The following DCTN1 variants were observed in gnomAD, a reference collection of about 807,000 sequenced individuals.
DCTN1 encodes the protein dynactin subunit 1, also known as 150 kDa dynein-associated polypeptide.
In DCTN1, 61 loss-of-function variants were observed where a neutral mutation model predicts 161.2. That is an observed-to-expected ratio of 0.38 (90% CI 0.31 to 0.47). DCTN1 has a LOEUF of 0.47. Ranked by LOEUF, DCTN1 falls within the 20% of genes least tolerant of loss-of-function variation. DCTN1 has a pLI of 0.99. For synonymous variants in DCTN1, 653 were observed against 632.4 expected, an observed-to-expected ratio of 1.03 and a Z score of -0.49; for missense variants, 1,404 against 1,623.7, an observed-to-expected ratio of 0.86 and a Z score of 2.33.
chr2:74,371,132 T>C lies in DCTN1; in HGVS notation c.690A>G (p.Lys230=). 1 of 1,614,178 alleles carries C rather than the reference T, an allele frequency of 6.2e-7. No homozygotes were observed. The highest frequency in any genetic ancestry group is 8.5e-7 in the Non-Finnish European group (1 of 1,180,042). The change falls in exon 9 of 32, where the codon AAA becomes AAG. Residue 230 remains lysine, a synonymous_variant. Transcript: ENST00000628224. ...CCCGTTTCAGTCTCAGGGTCTCTAG[T>C]TTCTCCTCCAGGTCCCGCACCTGAG... ...LRAQVRDLEE[K]LETLRLKRAE...
intron 1 of DCTN1, among the ~76,000 whole-genome samples, chr2:74,389,999 A>G (rs1247699175): frequency 6.6e-6 from 1 of 152,152 alleles, no homozygotes; most frequent in African/African-American, 2.4e-5. Flanking sequence ...GACATCTTTC[A>G]CTGATAATCT....
At chr2:74,363,846 A>G (rs1674207299) in intron 26 of DCTN1, 1 of 655,236 alleles carries the variant, frequency 1.5e-6, no homozygotes, top group Non-Finnish European at 2.8e-6. Flanking sequence ...TGAGGCCACA[A>G]GACAGGGTAC....
intron 1 of DCTN1, among the ~76,000 whole-genome samples, chr2:74,388,011 C>T (rs565709992): frequency 2.0e-5 from 3 of 151,494 alleles, no homozygotes; most frequent in Non-Finnish European, 4.4e-5. Flanking sequence ...ATGGTGAAAG[C>T]CTGTCTCTAC....
Position 74,369,816 on chromosome 2 carries a change from GAAAAAAAA to G in DCTN1, c.1392+141_1392+148del. 1 of 511,400 alleles carries G rather than the reference GAAAAAAAA, an allele frequency of 2.0e-6. No individual in the cohort carries two copies. The highest frequency in any genetic ancestry group is 3.4e-5 in the African/African-American group (1 of 29,370). The allele number at this position is 511,400 out of a possible 1,614,324, so 31.7% of individuals were successfully genotyped here. A position where few individuals can be genotyped will look rare whatever the true frequency, so the allele number is the denominator to read the frequency against. ...GGCAACAGAGCGAGATTCCATCTCAGAAAAAAAAAAAAAAAAAAAAGGCAGGGTCAGGG... is the reference window on the plus strand; with the variant it reads ...GGCAACAGAGCGAGATTCCATCTCAGAAAAAAAAAAAAGGCAGGGTCAGGG... On this transcript the variant is annotated intron_variant, in intron 13 of 31. Coordinates refer to ENST00000628224, the MANE Select transcript of DCTN1 (RefSeq NM_004082.5). This position sits in a 1 kb window ranked among gnomAD's most constrained non-coding sequence, Gnocchi z 4.9.
chr2:74,363,709 G>A, intron 26 of DCTN1, 81 bp from the exon 27 acceptor site: 3 of 1,575,654 alleles, frequency 1.9e-6, no homozygotes, highest in South Asian at 2.3e-5. Flanking sequence ...GGACACACCA[G>A]AGGAATCCTG....
At chr2:74,380,945 G>GCC (rs941983304), upstream of DCTN1, among the ~76,000 whole-genome samples, 5 of 152,164 alleles carry the variant, frequency 3.3e-5, no homozygotes, top group African/African-American at 1.2e-4. Flanking sequence ...AAAGCAGAGA[G>GCC]CCCTTCTTTC....
intron 27 of DCTN1, 61 bp downstream of exon 27, chr2:74,363,553 C>T: frequency 6.2e-7 from 1 of 1,605,178 alleles, no homozygotes; most frequent in Non-Finnish European, 8.5e-7. Context: ...CCCCCTCCAC[C>T]CTGCTCCCTT....
At position 74,370,846 on chromosome 2, in the gene DCTN1, G is replaced by T; in HGVS notation, c.844-21C>A. The T allele has an allele frequency of 6.2e-7, 1 of 1,614,046 alleles. No homozygotes were observed. ...GCTTCCTGAGGAAGAAGTGGAGGTGGGAGGGGGTACCAGCACAGAGATGCC... is the reference window on the plus strand; with the variant it reads ...GCTTCCTGAGGAAGAAGTGGAGGTGTGAGGGGGTACCAGCACAGAGATGCC... On this transcript the variant is annotated intron_variant, in intron 9 of 31. Coordinates refer to ENST00000628224, the MANE Select transcript of DCTN1 (RefSeq NM_004082.5). The surrounding 1 kb of genome is among the most constrained non-coding windows in gnomAD (Gnocchi z 4.4).
In DCTN1 at chr2:74,370,026, G is replaced by A; in HGVS notation, c.1331C>T (p.Thr444Ile). Residue 444 changes from threonine (T) to isoleucine (I), a missense_variant, in exon 13 of 32, where the codon ACA (threonine) becomes ATA (isoleucine). By Grantham distance (89) the Thr-to-Ile change is moderately conservative. This residue lies in a region of DCTN1 where 278 missense variants were observed against 363.8 expected (regional missense o/e 0.76). Coordinates refer to ENST00000628224, the MANE Select transcript of DCTN1 (RefSeq NM_004082.5). The surrounding 1 kb of genome is among the most constrained non-coding windows in gnomAD (Gnocchi z 4.4). ...CTCTTCCAGATTCAGGTTCCGATCT[G>A]TCAGCATCTCCACCATCTCCTCAGC... ...LGAEEMVEML[T>I]DRNLNLEEKV... 1.2e-6 allele frequency: 2 copies of A among 1,614,136 alleles called. No homozygotes were observed. The highest frequency in any genetic ancestry group is 1.7e-6 in the Non-Finnish European group (2 of 1,180,046).
At chr2:74,383,453 G>A (rs945811476), upstream of DCTN1, among the ~76,000 whole-genome samples, 1 of 152,184 alleles carries the variant, frequency 6.6e-6, no homozygotes, top group Admixed American at 6.5e-5. Flanking sequence ...ATAACAGGAA[G>A]GCAGTCTTGT....
Position 74,370,242 on chromosome 2 carries a change from G to T in DCTN1, c.1231C>A (p.Arg411Ser). The change falls in exon 12 of 32, where the codon CGT (arginine) becomes AGT (serine). Residue 411 changes from arginine (R) to serine (S), a missense_variant. Arg to Ser is a moderately radical substitution (Grantham distance 110). Transcript: ENST00000628224. This position sits in a 1 kb window ranked among gnomAD's most constrained non-coding sequence, Gnocchi z 4.4. ...ELEVVRQQRE[R>S]LQEELSQAES... ...GCCTGGCTTAGCTCCTCCTGCAGAC[G>T]CTCCCGCTGTTGCCTCACAACTTCC... is the stretch of plus-strand genomic sequence containing the variant. 9 of 1,613,968 alleles carry T rather than the reference G, an allele frequency of 5.6e-6. No homozygotes were observed. The highest frequency in any genetic ancestry group is 7.6e-6 in the Non-Finnish European group (9 of 1,180,044).
chr2:74,372,103 T>TCTATGACCCA (rs1674904800), intron 7 of DCTN1: 1 of 305,992 alleles, frequency 3.3e-6, no homozygotes, highest in Non-Finnish European at 6.3e-6. Context: ...CCACTTGTGA[T>TCTATGACCCA]CATTCTAGCA....
intron 16 of DCTN1, 184 bp downstream of exon 16, chr2:74,368,544 A>G (rs1292654483): frequency 4.8e-5 from 39 of 808,158 alleles, no homozygotes; most frequent in Non-Finnish European, 7.4e-5. Context: ...CTCTCACAGA[A>G]CCTATCTCTC....
chr2:74,362,825 G>T, intron 29 of DCTN1, 96 bp from the exon 30 acceptor site: 1 of 1,335,212 alleles, frequency 7.5e-7, no homozygotes. Context: ...CTCTCTAACA[G>T]AACAAGTACT....
Position 74,363,074 on chromosome 2 carries a change from C to T in DCTN1, c.3449G>A (p.Arg1150His), listed in dbSNP as rs771822061. Residue 1150 changes from arginine to histidine, a missense_variant, in exon 29 of 32, where the codon CGT becomes CAT. Arg to His is a conservative substitution (Grantham distance 29, BLOSUM62 0). This residue lies in a region of DCTN1 where 311 missense variants were observed against 298.9 expected (regional missense o/e 1.04). Coordinates refer to ENST00000628224, the MANE Select transcript of DCTN1 (RefSeq NM_004082.5). ...TGTCTCCAGCAGCTGGCTGGTCTTACGATACAGCGCTCCAGCTGGTAACTC... is the reference window on the plus strand; with the variant it reads ...TGTCTCCAGCAGCTGGCTGGTCTTATGATACAGCGCTCCAGCTGGTAACTC... ...GSELPAGALY[R>H]KTSQLLETLN... The T allele has an allele frequency of 1.7e-5, 28 of 1,613,734 alleles. No homozygotes were observed. Among genetic ancestry groups the T allele is most frequent in the South Asian group, 5.5e-5 (5 of 91,018 alleles).
At chr2:74,362,765 C>T (rs376418514) in intron 29 of DCTN1, 36 bp from the exon 30 acceptor site, 82 of 1,601,066 alleles carry the variant, frequency 5.1e-5, no homozygotes, top group Non-Finnish European at 6.5e-5. Flanking sequence ...CCCACCAAGG[C>T]GCAGGCAGGC....
intron 7 of DCTN1, among the ~76,000 whole-genome samples, chr2:74,372,602 C>T (rs548851548): frequency 5.9e-5 from 9 of 152,338 alleles, no homozygotes; most frequent in Admixed American, 3.3e-4. Flanking sequence ...TTTTACATGG[C>T]CAAGTTCATC....
In DCTN1 at chr2:74,371,539, T is replaced by G; in HGVS notation, c.643A>C (p.Lys215Gln). 6.4e-7 allele frequency: 1 copy of G among 1,570,322 alleles called. No individual in the cohort carries two copies. Among genetic ancestry groups the G allele is most frequent in the African/African-American group, 1.4e-5 (1 of 73,962 alleles). Residue 215 changes from lysine (K) to glutamine (Q), a missense_variant and splice_region_variant, in exon 8 of 32, where the codon AAG becomes CAG. This residue lies in a region of DCTN1 where 174 missense variants were observed against 175.6 expected (regional missense o/e 0.99). Coordinates refer to ENST00000628224, the MANE Select transcript of DCTN1 (RefSeq NM_004082.5). ...GAVPPLPSPS[K>Q]EEEGLRAQVR... ...TTTACCCCTACCCCAGGCCTTACCT[T>G]GGATGGGGAAGGAAGCGGGGGGACT...
intron 26 of DCTN1, 33 bp downstream of exon 26, chr2:74,365,042 C>A (rs746136307): frequency 1.9e-6 from 3 of 1,613,652 alleles, no homozygotes; most frequent in East Asian, 2.2e-5. Flanking sequence ...ACAATCTCCT[C>A]TGTGCTAGTG....
Sources: allele counts gnomAD v4.1 joint callset (sites outside exome capture counted in the v4.1 genomes callset), GRCh38; gene constraint gnomAD v4.1.1; regional missense constraint gnomAD v4.1.1; non-coding constraint Gnocchi (gnomAD v3.1); transcripts MANE v1.5; gene names NCBI Gene and HGNC (gene_info 2026-07-23, HGNC 2026-07-21).